The following TUT4 variants were observed in gnomAD, a reference collection of about 807,000 sequenced individuals.
TUT4 encodes the protein terminal uridylyl transferase 4, also known as terminal uridylyltransferase 4.
A neutral mutation model predicts 192.2 loss-of-function variants in TUT4; 36 were observed. That is an observed-to-expected ratio of 0.19 (90% confidence interval 0.14 to 0.25). The LOEUF is 0.25. Among genes scored for constraint, TUT4 ranks in the 10% least tolerant of loss-of-function variants. TUT4 has a pLI of 1.00. For synonymous variants in TUT4, 618 were observed against 666.0 expected (o/e 0.93, Z 1.11); for missense variants, 1,493 against 1,957.2 (o/e 0.76, Z 4.47).
At chr1:52,498,913 T>C (rs1222492773) in intron 4 of TUT4, among the ~76,000 whole-genome samples, 1 of 5,260 alleles carries the variant, frequency 1.9e-4, no homozygotes, top group Non-Finnish European at 5.9e-4. Flanking sequence ...TATATATATA[T>C]ATATATATAT....
Position 52,526,171 on chromosome 1 carries a change from C to A in TUT4, c.110G>T (p.Arg37Ile), listed in dbSNP as rs747164797. 14 of 1,611,896 alleles carry A rather than the reference C, an allele frequency of 8.7e-6. No homozygotes were observed. In the East Asian group the frequency reaches 2.7e-4, roughly 31 times the overall value. Residue 37 changes from arginine to isoleucine, a missense_variant, in exon 2 of 30, where the codon AGA (arginine) becomes ATA (isoleucine). Transcript: ENST00000257177. ...QVIGNQTLKA[R>I]NDKSVKEIEN... is the part of the protein sequence containing the mutation. ...AATTTCTTTTACGGATTTATCATTTCTAGCTTTCAATGTTTGATTACCTAT... is the reference window on the plus strand; with the variant it reads ...AATTTCTTTTACGGATTTATCATTTATAGCTTTCAATGTTTGATTACCTAT...
At chr1:52,533,669 T>A (rs1684090901) in intron 1 of TUT4, among the ~76,000 whole-genome samples, 1 of 152,120 alleles carries the variant, frequency 6.6e-6, no homozygotes, top group Non-Finnish European at 1.5e-5. Flanking sequence ...AGCAGCTTTC[T>A]AAGAAAGGAA....
At chr1:52,497,321 G>A (rs1223103801) in intron 4 of TUT4, 138 bp from the exon 5 acceptor site, 3 of 859,424 alleles carry the variant, frequency 3.5e-6, no homozygotes, top group African/African-American at 1.7e-5. Context: ...CCTACAATAC[G>A]GAAGTGAACA....
intron 16 of TUT4, 77 bp downstream of exon 16, chr1:52,464,993 A>G (rs1035246244): frequency 9.0e-6 from 10 of 1,111,892 alleles, no homozygotes; most frequent in African/African-American, 4.8e-5. Flanking sequence ...ATTTTTATCA[A>G]TATCACATAC....
intron 1 of TUT4, among the ~76,000 whole-genome samples, chr1:52,527,663 T>C (rs891950854): frequency 7.9e-5 from 12 of 152,134 alleles, no homozygotes; most frequent in African/African-American, 2.9e-4. Flanking sequence ...ATTTGTATAA[T>C]GATACAAAAT....
chr1:52,449,795 G>A (rs1234038773), intron 20 of TUT4, among the ~76,000 whole-genome samples: 1 of 152,054 alleles, frequency 6.6e-6, no homozygotes, highest in East Asian at 1.9e-4. Flanking sequence ...CCCTCCTTGA[G>A]ATTCCCTGGC....
chr1:52,547,872 G>A (rs1308742233), intron 1 of TUT4, among the ~76,000 whole-genome samples: 3 of 152,132 alleles, frequency 2.0e-5, no homozygotes, highest in Admixed American at 6.6e-5. Context: ...GGGAGTGATT[G>A]TTAATGGGAA....
At chr1:52,529,571 T>A (rs1200789511) in intron 1 of TUT4, among the ~76,000 whole-genome samples, 1 of 148,530 alleles carries the variant, frequency 6.7e-6, no homozygotes, top group African/African-American at 2.6e-5. Context: ...GCTATAACGA[T>A]TCTTTAATAA....
intron 20 of TUT4, among the ~76,000 whole-genome samples, chr1:52,449,074 C>T (rs979377892): frequency 6.6e-6 from 1 of 151,950 alleles, no homozygotes; most frequent in Non-Finnish European, 1.5e-5. Flanking sequence ...TTTACACACA[C>T]ACACACACAG....
intron 4 of TUT4, among the ~76,000 whole-genome samples, chr1:52,501,975 T>C (rs1376000002): frequency 6.6e-6 from 1 of 152,104 alleles, no homozygotes. Context: ...TATTGCTTAA[T>C]GGATACAGAG....
rs1367919042 is a variant in TUT4, at chr1:52,488,897, T to A, written c.1515+12A>T. On this transcript the variant is annotated intron_variant, in intron 9 of 29. Transcript: ENST00000257177. ...AAAATATAAATAAGTAGTTTTCCTC[T>A]CTTTCACTTACCTTAGCCCAGTAGC... is the stretch of plus-strand genomic sequence containing the variant. 3.1e-6 allele frequency: 5 copies of A among 1,590,020 alleles called. No individual in the cohort carries two copies. The highest frequency in any genetic ancestry group is 4.3e-6 in the Non-Finnish European group (5 of 1,173,666).
At chr1:52,434,952 A>C (rs1653289906) in intron 27 of TUT4, 1 of 153,016 alleles carries the variant, frequency 6.5e-6, no homozygotes. Context: ...ATGAGAAGAC[A>C]GAAGTTTCAT....
At chr1:52,516,762 T>C (rs1678823883) in intron 2 of TUT4, among the ~76,000 whole-genome samples, 2 of 152,182 alleles carry the variant, frequency 1.3e-5, no homozygotes, top group Admixed American at 1.3e-4. Flanking sequence ...AAGTTTTAAC[T>C]CCCTAGCATA....
intron 20 of TUT4, among the ~76,000 whole-genome samples, chr1:52,449,753 C>G (rs560973401): frequency 6.6e-6 from 1 of 152,200 alleles, no homozygotes; most frequent in African/African-American, 2.4e-5. Flanking sequence ...AACTAAAACT[C>G]TGTATTTATG....
intron 1 of TUT4, among the ~76,000 whole-genome samples, chr1:52,542,621 G>A (rs1221158473): frequency 6.6e-6 from 1 of 152,092 alleles, no homozygotes; most frequent in Admixed American, 6.5e-5. Context: ...GGAATAGAAA[G>A]AAACTACTTC....
intron 2 of TUT4, among the ~76,000 whole-genome samples, chr1:52,521,107 T>C (rs1339051767): frequency 6.6e-6 from 1 of 152,128 alleles, no homozygotes; most frequent in Non-Finnish European, 1.5e-5. Context: ...TTACTACATA[T>C]TTTTCTTATT....
rs187855419 is a variant in TUT4 at position 52,451,503 on chromosome 1, C to T, written c.3436-4836G>A. Among the ~76,000 whole-genome samples the T allele has an allele frequency of 2.2e-3, 342 of 152,206 alleles. 1 individual carries two copies. The highest frequency in any genetic ancestry group is 4.2e-3 in the Non-Finnish European group (283 of 67,998). ...ATTAAAAGAATAATAACACTATGAA[C>T]TACAATTTTGATAACCTAGATGAAA... On this transcript the variant is annotated intron_variant, in intron 20 of 29. Transcript: ENST00000257177.
rs1672220635 is a variant in TUT4 at position 52,495,477 on chromosome 1, A to G, written c.1216T>C (p.Phe406Leu). The change falls in exon 6 of 30, where the codon TTT (phenylalanine) becomes CTT (leucine). Residue 406 changes from phenylalanine to leucine, a missense_variant. Phe to Leu is a conservative substitution (Grantham distance 22). Transcript: ENST00000257177. Reference sequence around the variant, plus strand: ...TTAACATCACTACTTTTCAGAGCAAATCTAGTCAGAGATGAGCCATACAAC... The same window carrying G: ...TTAACATCACTACTTTTCAGAGCAAGTCTAGTCAGAGATGAGCCATACAAC... ...LRLYGSSLTR[F>L]ALKSSDVNID... is the part of the protein sequence containing the mutation. 1.2e-6 allele frequency: 2 copies of G among 1,611,454 alleles called. No individual in the cohort carries two copies. The highest frequency in any genetic ancestry group is 1.7e-6 in the Non-Finnish European group (2 of 1,178,504).
At chr1:52,509,807 A>G (rs1230335269) in intron 3 of TUT4, 95 bp from the exon 4 acceptor site, 1 of 785,360 alleles carries the variant, frequency 1.3e-6, no homozygotes, top group Non-Finnish European at 2.2e-6. Flanking sequence ...GTAAGTAGAC[A>G]GAAATAAGCA....
Sources: gnomAD v4.1 joint callset for allele counts (sites outside exome capture counted in the v4.1 genomes callset) on GRCh38, gnomAD v4.1.1 for gene constraint, MANE v1.5 for transcripts, NCBI Gene and HGNC (gene_info 2026-07-23, HGNC 2026-07-21) for gene names.